Variants in IDE observed in about 807,000 individuals in gnomAD.
IDE encodes the protein insulin-degrading enzyme.
In IDE, 58 loss-of-function variants were observed where a neutral mutation model predicts 133.2. The observed-to-expected ratio is 0.44, with a 90% confidence interval of 0.35 to 0.54. The LOEUF (loss-of-function observed/expected upper bound fraction) is 0.54. Ranked by LOEUF, IDE falls within the 20% of genes least tolerant of loss-of-function variation. IDE has a pLI of 0.00. For missense variants in IDE, 981 were observed against 1,234.0 expected, an observed-to-expected ratio of 0.79 and a Z score of 3.07; for synonymous variants, 396 against 421.3, an observed-to-expected ratio of 0.94 and a Z score of 0.73.
At chr10:92,513,346 C>T (rs1455358678) in intron 5 of IDE, among the ~76,000 whole-genome samples, 1 of 152,156 alleles carries the variant, frequency 6.6e-6, no homozygotes, top group African/African-American at 2.4e-5. Flanking sequence ...GTGCCCGCCA[C>T]CATGCCCGGT....
chr10:92,529,599 G>A (rs976665941), intron 4 of IDE, among the ~76,000 whole-genome samples: 1 of 152,100 alleles, frequency 6.6e-6, no homozygotes, highest in Non-Finnish European at 1.5e-5. Context: ...CTTGTGGCCA[G>A]GCATGGTGGC....
chr10:92,464,021 G>A lies in IDE; in HGVS notation c.2489-18C>T, dbSNP rs201215037. ...GATATAGCCTGAAACACAGACATCA[G>A]CCAGTCATGACCGTGGCATTTGAGA... On this transcript the variant is annotated intron_variant, in intron 20 of 24. Coordinates refer to ENST00000265986, the MANE Select transcript of IDE (RefSeq NM_004969.4). 1 of 1,604,124 alleles carries A rather than the reference G, an allele frequency of 6.2e-7. No homozygotes were observed. The highest frequency in any genetic ancestry group is 1.7e-4 in the Middle Eastern group (1 of 6,010).
At chr10:92,523,228 A>T (rs1475644882) in intron 4 of IDE, among the ~76,000 whole-genome samples, 1 of 151,928 alleles carries the variant, frequency 6.6e-6, no homozygotes, top group Non-Finnish European at 1.5e-5. Flanking sequence ...TAAAAATACA[A>T]AAACTAGCCA....
intron 8 of IDE, 125 bp from the exon 9 acceptor site, chr10:92,507,791 C>T: frequency 3.0e-6 from 2 of 670,828 alleles, no homozygotes; most frequent in Admixed American, 2.4e-5. Flanking sequence ...GTCCTCACCT[C>T]CCTGAGACTG....
chr10:92,462,635 G>A (rs763294737), intron 21 of IDE, among the ~76,000 whole-genome samples: 2 of 152,078 alleles, frequency 1.3e-5, no homozygotes, highest in Non-Finnish European at 2.9e-5. Context: ...TGGATGTAGT[G>A]CAATGGGTAA....
intron 1 of IDE, among the ~76,000 whole-genome samples, chr10:92,560,745 T>C (rs1843240452): frequency 6.6e-6 from 1 of 151,172 alleles, no homozygotes. Context: ...ATGGAGCCAC[T>C]GCACTCCAGC....
At chr10:92,560,095 T>C (rs1441928686) in intron 1 of IDE, among the ~76,000 whole-genome samples, 5 of 152,240 alleles carry the variant, frequency 3.3e-5, no homozygotes, top group Non-Finnish European at 5.9e-5. Context: ...TGCTGTTTTA[T>C]GACAATTCCT....
intron 13 of IDE, among the ~76,000 whole-genome samples, chr10:92,486,711 C>A (rs552626009): frequency 6.6e-6 from 1 of 152,316 alleles, no homozygotes; most frequent in South Asian, 2.1e-4. Flanking sequence ...TACTTCTCAA[C>A]AGCCCTTTGC....
intron 1 of IDE, among the ~76,000 whole-genome samples, chr10:92,571,933 T>C (rs1266874785): frequency 6.6e-6 from 1 of 152,248 alleles, no homozygotes; most frequent in Non-Finnish European, 1.5e-5. Context: ...CAGATGTTAG[T>C]GCTTTCCTTC....
At chr10:92,474,773 C>G (rs1318500341) in intron 17 of IDE, 68 bp downstream of exon 17, 13 of 1,410,564 alleles carry the variant, frequency 9.2e-6, no homozygotes, top group African/African-American at 1.4e-5. Context: ...CAGTCAATAT[C>G]AGAATAAACC....
chr10:92,485,103 C>T lies in IDE; in HGVS notation c.1657-1766G>A, dbSNP rs957123666. On this transcript the variant is annotated intron_variant, in intron 13 of 24. Coordinates refer to ENST00000265986, the MANE Select transcript of IDE (RefSeq NM_004969.4). ...AGATAATAATTGTTGTGGGTTGTTT[C>T]TTTTTCTTTCTTTCTTTCTTTCTTT... is the stretch of plus-strand genomic sequence containing the variant. Among the ~76,000 whole-genome samples the T allele has an allele frequency of 2.6e-4, 36 of 139,364 alleles. 1 individual carries two copies. Among genetic ancestry groups the T allele is most frequent in the Admixed American group, 1.8e-3 (24 of 13,468 alleles). The allele number at this position is 139,364 out of a possible 152,430, so 91.4% of individuals were successfully genotyped here. A position where few individuals can be genotyped will look rare whatever the true frequency, so the allele number is the denominator to read the frequency against.
chr10:92,532,510 T>A (rs181771667), intron 3 of IDE, among the ~76,000 whole-genome samples: 1 of 152,272 alleles, frequency 6.6e-6, no homozygotes, highest in African/African-American at 2.4e-5. Context: ...GACTAAGCCA[T>A]GATTATGGGC....
intron 6 of IDE, 127 bp downstream of exon 6, chr10:92,509,921 CAA>C (rs11324773): frequency 0.023 from 7,707 of 331,888 alleles, no homozygotes; most frequent in South Asian, 0.034. Context: ...ACTCTGTTTC[CAA>C]AAAAAAAAAA....
chr10:92,548,110 A>G (rs1296160440), intron 1 of IDE, among the ~76,000 whole-genome samples: 1 of 152,058 alleles, frequency 6.6e-6, no homozygotes, highest in African/African-American at 2.4e-5. Flanking sequence ...CTGTAATCCC[A>G]GCACTTTGGG....
intron 21 of IDE, among the ~76,000 whole-genome samples, chr10:92,462,522 C>A (rs1187912176): frequency 6.6e-6 from 1 of 151,780 alleles, no homozygotes; most frequent in Non-Finnish European, 1.5e-5. Context: ...GGCAGAATTG[C>A]TTGAACCCGG....
chr10:92,534,011 G>A (rs563302886), intron 3 of IDE, among the ~76,000 whole-genome samples: 2 of 147,360 alleles, frequency 1.4e-5, no homozygotes, highest in African/African-American at 4.9e-5. Context: ...AAACAAGTGC[G>A]AAACTCCGTC....
chr10:92,504,642 G>A (rs1458904220), intron 11 of IDE, 152 bp downstream of exon 11: 1 of 556,830 alleles, frequency 1.8e-6, no homozygotes, highest in African/African-American at 2.0e-5. Flanking sequence ...ATCAATGGTT[G>A]AAGCTTGGTG....
chr10:92,505,480 A>C (rs1047690368), intron 10 of IDE, among the ~76,000 whole-genome samples: 1 of 152,240 alleles, frequency 6.6e-6, no homozygotes, highest in Non-Finnish European at 1.5e-5. Flanking sequence ...ATGAACATCT[A>C]CTATGTGCCA....
chr10:92,514,964 G>A lies in IDE; in HGVS notation c.740C>T (p.Ala247Val). ...VRQELLKFHS[A>V]YYSSNLMAVC... ...AGCCATTAAGTTGGATGAATAGTAA[G>A]CAGAATGGAATTTCAGTAGCTCTTG... The change falls in exon 5 of 25, where the codon GCT (alanine) becomes GTT (valine). Residue 247 changes from alanine to valine, a missense_variant. Coordinates refer to ENST00000265986, the MANE Select transcript of IDE (RefSeq NM_004969.4). The A allele has an allele frequency of 6.2e-7, 1 of 1,612,684 alleles. No homozygotes were observed.
Sources: allele counts gnomAD v4.1 joint callset (sites outside exome capture counted in the v4.1 genomes callset), GRCh38; gene constraint gnomAD v4.1.1; transcripts MANE v1.5; gene names NCBI Gene and HGNC (gene_info 2026-07-23, HGNC 2026-07-21).